The following JMJD1C variants were observed in gnomAD, a reference collection of about 807,000 sequenced individuals.
JMJD1C encodes jumonji domain-containing protein 1C.
Under a neutral mutation model 245.3 loss-of-function variants are expected in JMJD1C, and 31 were observed. The observed-to-expected ratio is 0.13, with a 90% CI of 0.09 to 0.17. JMJD1C has a LOEUF of 0.17. JMJD1C is among the 10% of genes least tolerant of loss of function. The pLI, the probability that JMJD1C is intolerant of heterozygous loss-of-function variation, is 1.00. For missense variants in JMJD1C, 2,691 were observed against 3,000.2 expected (o/e 0.90, Z 2.41); for synonymous variants, 1,057 against 1,017.4 (o/e 1.04, Z -0.74).
intron 2 of JMJD1C, among the ~76,000 whole-genome samples, chr10:63,275,460 A>G (rs1856690995): frequency 6.6e-6 from 1 of 152,234 alleles, no homozygotes; most frequent in Non-Finnish European, 1.5e-5. Context: ...CACAAAGGAG[A>G]AATAAGCAGG....
At chr10:63,501,384 C>T (rs2133251289) in intron 1 of JMJD1C, among the ~76,000 whole-genome samples, 1 of 150,844 alleles carries the variant, frequency 6.6e-6, no homozygotes, top group East Asian at 2.0e-4. Context: ...CAGTTAAAAA[C>T]TTCATTGCTA....
chr10:63,218,868 GACGTTTATAAGAC>G (rs1848282942), intron 4 of JMJD1C, among the ~76,000 whole-genome samples: 1 of 151,978 alleles, frequency 6.6e-6, no homozygotes, highest in Non-Finnish European at 1.5e-5. Flanking sequence ...TAAAATCTTC[GACGTTTATAAGAC>G]AAATGAAAAC....
intron 2 of JMJD1C, among the ~76,000 whole-genome samples, chr10:63,325,990 A>T (rs555519988): frequency 6.6e-6 from 1 of 152,222 alleles, no homozygotes; most frequent in Non-Finnish European, 1.5e-5. Flanking sequence ...AATTATTTTA[A>T]ATGACAACAG....
chr10:63,318,304 A>C (rs953985270), intron 2 of JMJD1C, among the ~76,000 whole-genome samples: 6 of 152,160 alleles, frequency 3.9e-5, no homozygotes, highest in African/African-American at 1.2e-4. Flanking sequence ...TGTTGGGATT[A>C]CAAGTGTCAG....
intron 3 of JMJD1C, among the ~76,000 whole-genome samples, chr10:63,246,489 A>G (rs1852218748): frequency 6.6e-6 from 1 of 152,196 alleles, no homozygotes; most frequent in South Asian, 2.1e-4. Context: ...GTCTCTAGCA[A>G]AGCTATACTT....
intron 2 of JMJD1C, among the ~76,000 whole-genome samples, chr10:63,339,290 T>C (rs1178929021): frequency 1.3e-5 from 2 of 152,190 alleles, no homozygotes; most frequent in Non-Finnish European, 2.9e-5. Flanking sequence ...ATATCCTGTA[T>C]TTTTCTTTAA....
chr10:63,322,876 C>A (rs1941068009), intron 2 of JMJD1C, among the ~76,000 whole-genome samples: 1 of 145,106 alleles, frequency 6.9e-6, no homozygotes. Context: ...AGAACAGAAT[C>A]TATATCAAAT....
At chr10:63,344,598 G>A (rs1486329185) in intron 2 of JMJD1C, among the ~76,000 whole-genome samples, 1 of 152,090 alleles carries the variant, frequency 6.6e-6, no homozygotes, top group African/African-American at 2.4e-5. Context: ...TAAACTTCAT[G>A]ATAATTAAGA....
intron 2 of JMJD1C, among the ~76,000 whole-genome samples, chr10:63,313,808 G>C (rs894170946): frequency 6.6e-6 from 1 of 152,148 alleles, no homozygotes; most frequent in African/African-American, 2.4e-5. Context: ...CTTTTTGTTT[G>C]AGTTCGTTGT....
At chr10:63,499,761 T>G (rs1023611741) in intron 1 of JMJD1C, among the ~76,000 whole-genome samples, 5 of 152,206 alleles carry the variant, frequency 3.3e-5, no homozygotes, top group Admixed American at 2.6e-4. Flanking sequence ...AATTCAAATG[T>G]CTGAACTTTA....
At chr10:63,238,359 T>C (rs1382178980) in intron 3 of JMJD1C, among the ~76,000 whole-genome samples, 1 of 151,674 alleles carries the variant, frequency 6.6e-6, no homozygotes, top group African/African-American at 2.4e-5. Context: ...ATTTAGAAAA[T>C]TTAATTTAAA....
At chr10:63,239,536 C>A (rs1465732201) in intron 3 of JMJD1C, among the ~76,000 whole-genome samples, 1 of 152,116 alleles carries the variant, frequency 6.6e-6, no homozygotes, top group Non-Finnish European at 1.5e-5. Context: ...CCTCCGTTTC[C>A]TGGGTTCAAG....
At chr10:63,274,674 C>A (rs1206480605) in intron 2 of JMJD1C, among the ~76,000 whole-genome samples, 1 of 152,134 alleles carries the variant, frequency 6.6e-6, no homozygotes, top group Non-Finnish European at 1.5e-5. Flanking sequence ...ATGATTTCTA[C>A]AAGGATTTCT....
rs767695954 is a variant in JMJD1C at position 63,465,665 on chromosome 10, C to A, written c.-3G>T. The A allele has an allele frequency of 6.2e-7, 1 of 1,607,924 alleles. No homozygotes were observed. The highest frequency in any genetic ancestry group is 8.5e-7 in the Non-Finnish European group (1 of 1,179,850). On this transcript the variant is annotated 5_prime_UTR_variant, in exon 1 of 26. Coordinates refer to ENST00000399262, the MANE Select transcript of JMJD1C (RefSeq NM_032776.3). The stretch of plus-strand genomic sequence containing the variant: ...TCTGCCCGCGTCTCTACCGCCATAG[C>A]TGTCGCTGCCGAAGCGGCCGCTGCC...
At chr10:63,399,566 ATTTAC>A (rs1948725232) in intron 1 of JMJD1C, among the ~76,000 whole-genome samples, 1 of 152,142 alleles carries the variant, frequency 6.6e-6, no homozygotes, top group South Asian at 2.1e-4. Context: ...ACATAAACTC[ATTTAC>A]TTTGTCACAC....
intron 3 of JMJD1C, among the ~76,000 whole-genome samples, chr10:63,239,526 C>A (rs1277371849): frequency 6.6e-6 from 1 of 152,108 alleles, no homozygotes; most frequent in African/African-American, 2.4e-5. Context: ...CTCACTGCAA[C>A]CTCCGTTTCC....
intron 1 of JMJD1C, among the ~76,000 whole-genome samples, chr10:63,437,791 G>A (rs1472817940): frequency 6.6e-6 from 1 of 152,154 alleles, no homozygotes; most frequent in Non-Finnish European, 1.5e-5. Flanking sequence ...AAACTGAATT[G>A]TAGATTCTCA....
intron 3 of JMJD1C, among the ~76,000 whole-genome samples, chr10:63,246,749 T>C (rs1327253469): frequency 6.6e-6 from 1 of 152,142 alleles, no homozygotes; most frequent in Non-Finnish European, 1.5e-5. Flanking sequence ...CAAACTGTCT[T>C]TTCTGACCAC....
chr10:63,337,788 A>G lies in JMJD1C; in HGVS notation c.333+42530T>C, dbSNP rs148516650. Among the ~76,000 whole-genome samples the G allele has an allele frequency of 3.1e-3, 468 of 152,146 alleles. 3 individuals are homozygous for G. The highest frequency in any genetic ancestry group is 0.011 in the African/African-American group (455 of 41,492). On this transcript the variant is annotated intron_variant, in intron 2 of 25. Coordinates refer to ENST00000399262, the MANE Select transcript of JMJD1C (RefSeq NM_032776.3). Reference sequence around the variant, plus strand: ...CCAGAAGATGTGTGATCATGCTCTCATGCCCTTTTCTCCCAGAGGTAAGGT... The same window carrying G: ...CCAGAAGATGTGTGATCATGCTCTCGTGCCCTTTTCTCCCAGAGGTAAGGT...
Sources: allele counts gnomAD v4.1 joint callset (sites outside exome capture counted in the v4.1 genomes callset), GRCh38; gene constraint gnomAD v4.1.1; transcripts MANE v1.5; gene names NCBI Gene and HGNC (gene_info 2026-07-23, HGNC 2026-07-21).